CAMK1D: variants seen among roughly 807,000 people sequenced by gnomAD.
CAMK1D encodes calcium/calmodulin-dependent protein kinase type 1D.
A neutral mutation model predicts 47.7 loss-of-function variants in CAMK1D; 9 were observed. That is an observed-to-expected ratio of 0.19 (90% CI 0.11 to 0.33). The LOEUF (loss-of-function observed/expected upper bound fraction) is 0.33. Among genes scored for constraint, CAMK1D ranks in the 10% least tolerant of loss-of-function variants. The pLI is 1.00. For missense variants in CAMK1D, 291 were observed against 488.7 expected (o/e 0.60, Z 3.81); for synonymous variants, 184 against 184.9 (o/e 0.99, Z 0.04).
At chr10:12,543,296 G>A (rs1037145923) in intron 1 of CAMK1D, among the ~76,000 whole-genome samples, 1 of 152,112 alleles carries the variant, frequency 6.6e-6, no homozygotes, top group Non-Finnish European at 1.5e-5. Context: ...TGATCTAACC[G>A]CCTTGGCCTC....
rs558418623 is a variant in CAMK1D, at chr10:12,815,491, G to A, written c.755-759G>A. Among the ~76,000 whole-genome samples the A allele has an allele frequency of 1.1e-4, 16 of 152,356 alleles. No homozygotes were observed. The South Asian group carries it at 2.7e-3, about 26-fold the overall frequency. ...TGGAGTATAGTTGTACAAGGCTCGC[G>A]GGAAAGAGCCACATGGGAAGTATTT... is the stretch of plus-strand genomic sequence containing the variant. On this transcript the variant is annotated intron_variant, in intron 7 of 10. Coordinates refer to ENST00000619168, the MANE Select transcript of CAMK1D (RefSeq NM_153498.4).
At chr10:12,810,449 A>T (rs1187693270) in intron 6 of CAMK1D, among the ~76,000 whole-genome samples, 2 of 151,916 alleles carry the variant, frequency 1.3e-5, no homozygotes, top group East Asian at 3.9e-4. Context: ...TAATTTTGGT[A>T]TTTCTAGCGG....
chr10:12,703,696 C>T (rs147402411), intron 3 of CAMK1D, among the ~76,000 whole-genome samples: 55 of 152,172 alleles, frequency 3.6e-4, no homozygotes, highest in African/African-American at 1.3e-3. Context: ...TGGTGAAACC[C>T]CGTCTTTACT....
At chr10:12,531,070 A>G (rs1029492050) in intron 1 of CAMK1D, among the ~76,000 whole-genome samples, 4 of 151,304 alleles carry the variant, frequency 2.6e-5, no homozygotes, top group African/African-American at 9.7e-5. Context: ...AAAAAAAAAA[A>G]AAGTTGAGAT....
chr10:12,741,470 C>T (rs1835424743), intron 3 of CAMK1D, among the ~76,000 whole-genome samples: 1 of 152,222 alleles, frequency 6.6e-6, no homozygotes, highest in South Asian at 2.1e-4. Context: ...GCTTGCCTTG[C>T]TCTGTTTCCA....
At chr10:12,753,383 T>A (rs1376274860) in intron 3 of CAMK1D, among the ~76,000 whole-genome samples, 2 of 152,234 alleles carry the variant, frequency 1.3e-5, no homozygotes, top group Admixed American at 1.3e-4. Context: ...GCTGGGGCTA[T>A]GCCATGTCAG....
chr10:12,666,664 A>T, intron 2 of CAMK1D, 72 bp from the exon 3 acceptor site: 2 of 1,213,070 alleles, frequency 1.6e-6, no homozygotes, highest in African/African-American at 1.5e-5. Context: ...TTTTTGCTAC[A>T]ATGCTGTCTG....
chr10:12,652,689 G>A (rs1014231060), intron 2 of CAMK1D, among the ~76,000 whole-genome samples: 2 of 152,178 alleles, frequency 1.3e-5, no homozygotes, highest in African/African-American at 4.8e-5. Flanking sequence ...TAGCCCTGGA[G>A]GTTACACTAG....
chr10:12,774,671 G>C (rs376303557), intron 5 of CAMK1D, among the ~76,000 whole-genome samples: 3 of 152,186 alleles, frequency 2.0e-5, no homozygotes, highest in Non-Finnish European at 2.9e-5. Flanking sequence ...GTTAGGAAGC[G>C]AGCTGCACAG....
chr10:12,776,313 A>C (rs931257898), intron 5 of CAMK1D, among the ~76,000 whole-genome samples: 2 of 152,220 alleles, frequency 1.3e-5, no homozygotes, highest in African/African-American at 4.8e-5. Context: ...TCTTTGCTGG[A>C]GGTGGAAGAG....
chr10:12,797,483 A>C (rs1428909951), intron 6 of CAMK1D, among the ~76,000 whole-genome samples: 1 of 152,056 alleles, frequency 6.6e-6, no homozygotes, highest in Non-Finnish European at 1.5e-5. Context: ...CTGGCATTAC[A>C]GGTATGAGCC....
chr10:12,510,364 T>G (rs1295465320), intron 1 of CAMK1D, among the ~76,000 whole-genome samples: 2 of 151,938 alleles, frequency 1.3e-5, no homozygotes, highest in African/African-American at 4.8e-5. Flanking sequence ...TGCAGTGAGC[T>G]GAGATTGTGC....
chr10:12,713,156 T>C (rs1833998660), intron 3 of CAMK1D, among the ~76,000 whole-genome samples: 1 of 152,114 alleles, frequency 6.6e-6, no homozygotes, highest in South Asian at 2.1e-4. Context: ...CTGCAACCTC[T>C]GCCTTCCAGG....
At chr10:12,515,598 G>A (rs1835183322) in intron 1 of CAMK1D, among the ~76,000 whole-genome samples, 1 of 65,910 alleles carries the variant, frequency 1.5e-5, no homozygotes, top group Non-Finnish European at 2.8e-5. Context: ...TCCCCAGAGT[G>A]TGATATTCCC....
At chr10:12,725,481 A>G (rs1393051172) in intron 3 of CAMK1D, 2 of 154,534 alleles carry the variant, frequency 1.3e-5, no homozygotes, top group East Asian at 3.8e-4. Context: ...TGTCAGCTCA[A>G]ATATATGAAT....
intron 2 of CAMK1D, among the ~76,000 whole-genome samples, chr10:12,662,651 C>CAAAAAAAAAAAAAAAAAA (rs56807588): frequency 6.4e-5 from 9 of 140,500 alleles, no homozygotes; most frequent in Non-Finnish European, 6.2e-5. Flanking sequence ...CACTCTGCCT[C>CAAAAAAAAAAAAAAAAAA]AAAAAAAAAA....
At chr10:12,557,251 T>C (rs1836789987) in intron 2 of CAMK1D, among the ~76,000 whole-genome samples, 1 of 152,070 alleles carries the variant, frequency 6.6e-6, no homozygotes, top group South Asian at 2.1e-4. Flanking sequence ...AGACACAGCA[T>C]GTAAGAAAAA....
At chr10:12,746,893 C>A (rs1835707497) in intron 3 of CAMK1D, among the ~76,000 whole-genome samples, 1 of 152,114 alleles carries the variant, frequency 6.6e-6, no homozygotes, top group Admixed American at 6.6e-5. Context: ...ACAATAGATG[C>A]CTTTAGTTGG....
intron 5 of CAMK1D, among the ~76,000 whole-genome samples, chr10:12,782,784 C>T (rs1837556686): frequency 1.3e-5 from 2 of 152,114 alleles, no homozygotes; most frequent in African/African-American, 4.8e-5. Context: ...CCAAATTGAG[C>T]TCCAGTTCTT....
Sources: gnomAD v4.1 joint callset for allele counts (sites outside exome capture counted in the v4.1 genomes callset) on GRCh38, gnomAD v4.1.1 for gene constraint, MANE v1.5 for transcripts, NCBI Gene and HGNC (gene_info 2026-07-23, HGNC 2026-07-21) for gene names.